Variants in RB1CC1 observed in about 807,000 individuals in gnomAD.
RB1CC1 encodes the protein RB1 inducible coiled-coil 1.
A neutral mutation model predicts 177.5 loss-of-function variants in RB1CC1; 46 were observed. The observed-to-expected ratio is 0.26, with a 90% CI of 0.20 to 0.33. The LOEUF (loss-of-function observed/expected upper bound fraction) is 0.33. Among genes scored for constraint, RB1CC1 ranks in the 10% least tolerant of loss-of-function variants. The pLI is 1.00. For missense variants in RB1CC1, 1,703 were observed against 1,816.3 expected, an observed-to-expected ratio of 0.94 and a Z score of 1.13; for synonymous variants, 666 against 613.6, an observed-to-expected ratio of 1.09 and a Z score of -1.26.
chr8:52,668,621 C>T (rs375487618), intron 7 of RB1CC1, among the ~76,000 whole-genome samples: 21 of 152,278 alleles, frequency 1.4e-4, no homozygotes, highest in Admixed American at 6.5e-4. Flanking sequence ...ATCTCCTCAA[C>T]GAATCGGCTT....
chr8:52,705,013 AATT>A (rs1856428751), intron 1 of RB1CC1, among the ~76,000 whole-genome samples: 1 of 152,210 alleles, frequency 6.6e-6, no homozygotes, highest in Non-Finnish European at 1.5e-5. Context: ...GATTTTCTTA[AATT>A]ATTTGACCCT....
chr8:52,672,266 G>T (rs1461664432), intron 7 of RB1CC1, among the ~76,000 whole-genome samples: 1 of 152,098 alleles, frequency 6.6e-6, no homozygotes, highest in African/African-American at 2.4e-5. Context: ...ACTGGTACAG[G>T]CCACTGTGCC....
intron 16 of RB1CC1, 67 bp downstream of exon 16, chr8:52,645,635 A>C: frequency 6.7e-7 from 1 of 1,495,754 alleles, no homozygotes; most frequent in East Asian, 2.3e-5. Flanking sequence ...TACATAAAGA[A>C]ATTATATTTG....
At chr8:52,667,276 G>A (rs1022390651) in intron 8 of RB1CC1, among the ~76,000 whole-genome samples, 4 of 152,050 alleles carry the variant, frequency 2.6e-5, no homozygotes, top group Non-Finnish European at 4.4e-5. Context: ...TAACATCAAC[G>A]AAGTATGTTT....
In RB1CC1 at chr8:52,628,125, G is replaced by C; in HGVS notation, c.4543C>G (p.His1515Asp). 6.2e-7 allele frequency: 1 copy of C among 1,608,312 alleles called. No homozygotes were observed. The highest frequency in any genetic ancestry group is 8.5e-7 in the Non-Finnish European group (1 of 1,175,642). Residue 1515 changes from histidine (H) to aspartate (D), a missense_variant, in exon 22 of 24, where the codon CAT becomes GAT. His to Asp is a moderately conservative substitution (Grantham distance 81). This residue lies in a region of RB1CC1 where 70 missense variants were observed against 118.0 expected (regional missense o/e 0.59). Transcript: ENST00000025008. ...ACAGTAAATAACACATAATTGTCATGGCGTTCGTCTAGGATGATGAGTACC... is the reference window on the plus strand; with the variant it reads ...ACAGTAAATAACACATAATTGTCATCGCGTTCGTCTAGGATGATGAGTACC... ...DLVLIILDER[H>D]DNYVLFTVSP...
chr8:52,641,401 A>T (rs1849570453), intron 18 of RB1CC1, among the ~76,000 whole-genome samples: 1 of 150,574 alleles, frequency 6.6e-6, no homozygotes, highest in Non-Finnish European at 1.5e-5. Flanking sequence ...AAAAAAAAAA[A>T]AAATTAAAAT....
rs1848153256 is a variant in RB1CC1 at position 52,622,941 on chromosome 8, A to C, written c.*841T>G. The stretch of plus-strand genomic sequence containing the variant: ...AATTGTACAGTTCTTTTACAATACA[A>C]TATTTTGTTATTTAAATGACCTCTA... On this transcript the variant is annotated 3_prime_UTR_variant, in exon 24 of 24. Coordinates refer to ENST00000025008, the MANE Select transcript of RB1CC1 (RefSeq NM_014781.5). The C allele has an allele frequency of 1.3e-5, 2 of 152,116 alleles. No homozygotes were observed. Among genetic ancestry groups the C allele is most frequent in the African/African-American group, 4.8e-5 (2 of 41,410 alleles). The allele number at this position is 152,116 out of a possible 1,614,324, so 9.4% of individuals were successfully genotyped here. A position where few individuals can be genotyped will look rare whatever the true frequency, so the allele number is the denominator to read the frequency against.
At chr8:52,634,892 G>A (rs1481105389) in intron 20 of RB1CC1, 29 bp downstream of exon 20, 1 of 1,526,808 alleles carries the variant, frequency 6.5e-7, no homozygotes, top group Non-Finnish European at 9.0e-7. Flanking sequence ...AAAATGTTAA[G>A]ACCAATTTAC....
chr8:52,653,703 C>G (rs554104480), intron 15 of RB1CC1, among the ~76,000 whole-genome samples: 2 of 152,112 alleles, frequency 1.3e-5, no homozygotes, highest in Admixed American at 6.6e-5. Flanking sequence ...TGCTTGGCAG[C>G]AGAAGTGGTC....
chr8:52,690,000 T>C (rs1264813169), intron 1 of RB1CC1, among the ~76,000 whole-genome samples: 4 of 152,214 alleles, frequency 2.6e-5, no homozygotes, highest in East Asian at 1.9e-4. Flanking sequence ...TGTGATACTT[T>C]CTAAGAAATA....
At chr8:52,653,041 G>A (rs573932263) in intron 15 of RB1CC1, among the ~76,000 whole-genome samples, 1 of 152,082 alleles carries the variant, frequency 6.6e-6, no homozygotes, top group Non-Finnish European at 1.5e-5. Flanking sequence ...TGGGTAACAA[G>A]AGCGAAACTC....
intron 15 of RB1CC1, among the ~76,000 whole-genome samples, chr8:52,646,407 A>G (rs1032466704): frequency 6.6e-6 from 1 of 152,184 alleles, no homozygotes; most frequent in Non-Finnish European, 1.5e-5. Flanking sequence ...CCTGGGCAAC[A>G]TAAGGAAAAA....
intron 6 of RB1CC1, 52 bp downstream of exon 6, chr8:52,676,316 TA>T: frequency 6.6e-7 from 1 of 1,506,588 alleles, no homozygotes. Flanking sequence ...AACCTACTGA[TA>T]AATTTCAAAG....
intron 8 of RB1CC1, among the ~76,000 whole-genome samples, chr8:52,663,660 G>A (rs1851818963): frequency 1.3e-5 from 2 of 151,988 alleles, no homozygotes; most frequent in Admixed American, 6.6e-5. Context: ...CATTCTAAAG[G>A]AAGTACTGAC....
intron 5 of RB1CC1, among the ~76,000 whole-genome samples, chr8:52,680,163 A>C (rs1248912986): frequency 1.3e-5 from 2 of 152,072 alleles, no homozygotes; most frequent in Non-Finnish European, 2.9e-5. Flanking sequence ...ATTAAAAGTA[A>C]AAAAAACTAA....
At chr8:52,673,743 C>G in intron 7 of RB1CC1, 102 bp downstream of exon 7, 1 of 1,101,076 alleles carries the variant, frequency 9.1e-7, no homozygotes, top group African/African-American at 1.6e-5. Context: ...TCATTTATTT[C>G]TACTAAAAGG....
rs556370334 is a variant in RB1CC1 at position 52,678,404 on chromosome 8, C to T, written c.370-1833G>A. 5.9e-5 allele frequency among the ~76,000 whole-genome samples: 9 copies of T among 152,060 alleles called. No individual in the cohort carries two copies. The South Asian group carries it at 1.7e-3, about 28-fold the overall frequency. ...TGAATTCCAGCCTGGGTGGCAAGAG[C>T]GAAAACTCCAACTCAAAAACAACAA... On this transcript the variant is annotated intron_variant, in intron 5 of 23. Coordinates refer to ENST00000025008, the MANE Select transcript of RB1CC1 (RefSeq NM_014781.5).
At chr8:52,661,425 A>T in intron 9 of RB1CC1, 110 bp downstream of exon 9, 1 of 1,450,646 alleles carries the variant, frequency 6.9e-7, no homozygotes, top group Non-Finnish European at 9.3e-7. Context: ...AAAGTTCATC[A>T]ATAAGGTATT....
rs554722334 is a variant in RB1CC1, at chr8:52,648,458, T to A, written c.3822-2591A>T. On this transcript the variant is annotated intron_variant, in intron 15 of 23. Coordinates refer to ENST00000025008, the MANE Select transcript of RB1CC1 (RefSeq NM_014781.5). ...ATGAAAGGCTAACAGCTAAAATAGGTTTTGTGTTTTAACTAGCATCACTGC... is the reference window on the plus strand; with the variant it reads ...ATGAAAGGCTAACAGCTAAAATAGGATTTGTGTTTTAACTAGCATCACTGC... Among the ~76,000 whole-genome samples, 11 of 152,118 alleles carry A rather than the reference T, an allele frequency of 7.2e-5. No homozygotes were observed. In the South Asian group the frequency reaches 2.3e-3, roughly 32 times the overall value.
Sources: gnomAD v4.1 joint callset for allele counts (sites outside exome capture counted in the v4.1 genomes callset) on GRCh38, gnomAD v4.1.1 for gene constraint, gnomAD v4.1.1 regional missense constraint, MANE v1.5 for transcripts, NCBI Gene and HGNC (gene_info 2026-07-23, HGNC 2026-07-21) for gene names.